FILIP1L: variants seen among roughly 807,000 people sequenced by gnomAD.
FILIP1L encodes the protein filamin A-interacting protein 1-like.
Under a neutral mutation model 96.6 loss-of-function variants are expected in FILIP1L, and 55 were observed. The observed-to-expected ratio is 0.57, with a 90% CI of 0.46 to 0.71. The LOEUF (loss-of-function observed/expected upper bound fraction) is 0.71, where lower values mean the gene tolerates loss of function less well. Among genes scored for constraint, FILIP1L ranks in the 30% least tolerant of loss-of-function variants. FILIP1L has a pLI of 0.00. For missense variants in FILIP1L, 1,304 were observed against 1,321.2 expected, an observed-to-expected ratio of 0.99 and a Z score of 0.20; for synonymous variants, 467 against 473.9, an observed-to-expected ratio of 0.99 and a Z score of 0.19.
At chr3:100,047,411 GC>G (rs2065294763) in intron 1 of FILIP1L, among the ~76,000 whole-genome samples, 2 of 152,112 alleles carry the variant, frequency 1.3e-5, no homozygotes, top group African/African-American at 4.8e-5. Context: ...TTTCTGGAAA[GC>G]TTTTATGACT....
At chr3:99,958,325 G>A (rs1376619010) in intron 1 of FILIP1L, among the ~76,000 whole-genome samples, 1 of 151,242 alleles carries the variant, frequency 6.6e-6, no homozygotes, top group African/African-American at 2.4e-5. Flanking sequence ...GCCACCCAGG[G>A]TCTATTTTTA....
chr3:99,871,230 T>C (rs1245905462), intron 4 of FILIP1L, among the ~76,000 whole-genome samples: 1 of 152,216 alleles, frequency 6.6e-6, no homozygotes, highest in African/African-American at 2.4e-5. Flanking sequence ...TTGCTTTAAG[T>C]AGTGGCTGAG....
chr3:99,946,504 T>C (rs1411476558), intron 1 of FILIP1L, among the ~76,000 whole-genome samples: 1 of 152,244 alleles, frequency 6.6e-6, no homozygotes, highest in Non-Finnish European at 1.5e-5. Context: ...TTCATGTCTG[T>C]ATCAGAACTG....
intron 1 of FILIP1L, among the ~76,000 whole-genome samples, chr3:99,984,828 A>T (rs1709283814): frequency 6.6e-6 from 1 of 152,242 alleles, no homozygotes; most frequent in Admixed American, 6.5e-5. Flanking sequence ...ATGTTTATTG[A>T]GTACATTCTT....
intron 1 of FILIP1L, among the ~76,000 whole-genome samples, chr3:100,097,582 A>T (rs1243737402): frequency 1.3e-5 from 2 of 152,168 alleles, no homozygotes; most frequent in Non-Finnish European, 1.5e-5. Context: ...GCCTATATAT[A>T]TACATGTTTT....
At chr3:100,046,304 C>A (rs1312292147) in intron 1 of FILIP1L, among the ~76,000 whole-genome samples, 3 of 152,174 alleles carry the variant, frequency 2.0e-5, no homozygotes, top group Non-Finnish European at 4.4e-5. Flanking sequence ...CCTCCTTATG[C>A]CTCAGACATG....
chr3:100,081,629 G>A (rs747022082), intron 1 of FILIP1L, among the ~76,000 whole-genome samples: 8 of 152,322 alleles, frequency 5.3e-5, no homozygotes, highest in East Asian at 1.9e-4. Context: ...TGCCAGTATA[G>A]TGTGATTTTA....
chr3:99,878,736 A>G (rs1705622718), intron 4 of FILIP1L, among the ~76,000 whole-genome samples: 2 of 152,226 alleles, frequency 1.3e-5, no homozygotes, highest in Non-Finnish European at 2.9e-5. Flanking sequence ...ACTTCAAACG[A>G]AAGTCAAGGG....
At chr3:99,835,905 A>G (rs1942877024) in intron 5 of FILIP1L, among the ~76,000 whole-genome samples, 1 of 152,218 alleles carries the variant, frequency 6.6e-6, no homozygotes, top group Non-Finnish European at 1.5e-5. Flanking sequence ...GAAGAAGAGT[A>G]TTTCAGCCCT....
At chr3:100,109,737 G>C (rs2066456335) in intron 1 of FILIP1L, among the ~76,000 whole-genome samples, 1 of 152,096 alleles carries the variant, frequency 6.6e-6, no homozygotes, top group African/African-American at 2.4e-5. Context: ...GTTGTTTCCA[G>C]GTTTTGGCAA....
In FILIP1L at chr3:100,109,557, A is replaced by C. The variant is rs188814195; in HGVS notation, c.-11+4496T>G. ...ATAGTTTTTGGGGGTTTTTTCCCAC[A>C]ATGTTGTATAAATGAACTCATTCAG... On this transcript the variant is annotated intron_variant, in intron 1 of 5. Coordinates refer to ENST00000477258, the MANE Select transcript of FILIP1L (RefSeq NM_001387850.1). Among the ~76,000 whole-genome samples, 451 of 152,156 alleles carry C rather than the reference A, an allele frequency of 3.0e-3. 2 individuals are homozygous for C. The highest frequency in any genetic ancestry group is 0.01 in the African/African-American group (418 of 41,544).
chr3:99,984,156 T>A (rs931094530), intron 1 of FILIP1L, among the ~76,000 whole-genome samples: 3 of 152,186 alleles, frequency 2.0e-5, no homozygotes, highest in African/African-American at 7.2e-5. Context: ...CATCACAAAT[T>A]GGCTTAAGCA....
In FILIP1L at chr3:100,025,077, A is replaced by G. The variant is rs367555577; in HGVS notation, c.-11+88976T>C. ...CATTTTTCTTTGAATTCTTCCTGATAATAAAACAGACTCTTTGTTATTGTA... is the reference window on the plus strand; with the variant it reads ...CATTTTTCTTTGAATTCTTCCTGATGATAAAACAGACTCTTTGTTATTGTA... On this transcript the variant is annotated intron_variant, in intron 1 of 5. Transcript: ENST00000477258. 1.7e-4 allele frequency among the ~76,000 whole-genome samples: 26 copies of G among 152,334 alleles called. No homozygotes were observed. The East Asian group carries it at 3.7e-3, about 21-fold the overall frequency.
intron 1 of FILIP1L, among the ~76,000 whole-genome samples, chr3:99,984,732 T>C (rs1264736799): frequency 1.3e-5 from 2 of 152,190 alleles, no homozygotes; most frequent in African/African-American, 2.4e-5. Context: ...GTAGTAAGAA[T>C]AGAAAGATCT....
intron 1 of FILIP1L, among the ~76,000 whole-genome samples, chr3:99,983,458 A>ATATGTGTATG (rs771146451): frequency 6.8e-4 from 11 of 16,244 alleles, no homozygotes; most frequent in East Asian, 5.0e-3. Context: ...ATATATATAT[A>ATATGTGTATG]TGTGTGTATA....
intron 4 of FILIP1L, among the ~76,000 whole-genome samples, chr3:99,881,640 C>G (rs1476048767): frequency 6.6e-6 from 1 of 151,818 alleles, no homozygotes; most frequent in Non-Finnish European, 1.5e-5. Flanking sequence ...TCAGACAGTT[C>G]TCCTGCCTCA....
chr3:100,092,580 C>G (rs974686561), intron 1 of FILIP1L, among the ~76,000 whole-genome samples: 1 of 150,404 alleles, frequency 6.6e-6, no homozygotes, highest in Non-Finnish European at 1.5e-5. Flanking sequence ...ACACATACCC[C>G]AGTTGGAAGG....
At chr3:99,830,648 T>G in intron 5 of FILIP1L, 43 bp from the exon 6 acceptor site, 1 of 453,184 alleles carries the variant, frequency 2.2e-6, no homozygotes. Context: ...ATGGTACAGT[T>G]GGTGGAGAAG....
intron 3 of FILIP1L, among the ~76,000 whole-genome samples, chr3:99,924,724 G>A (rs966166564): frequency 2.0e-5 from 3 of 152,120 alleles, no homozygotes; most frequent in Middle Eastern, 3.4e-3. Flanking sequence ...GTTTCTCCAC[G>A]TTGGTCAGGC....
Sources: allele counts gnomAD v4.1 joint callset (sites outside exome capture counted in the v4.1 genomes callset), GRCh38; gene constraint gnomAD v4.1.1; transcripts MANE v1.5; gene names NCBI Gene and HGNC (gene_info 2026-07-23, HGNC 2026-07-21).